Variants in CNTN6 observed in about 807,000 individuals in gnomAD.
The protein encoded by CNTN6 is contactin 6.
In CNTN6, 137 loss-of-function variants were observed where a neutral mutation model predicts 122.8. The observed-to-expected ratio is 1.12, with a 90% CI of 0.97 to 1.29. The LOEUF (loss-of-function observed/expected upper bound fraction) is 1.29. Among genes scored for constraint, CNTN6 ranks in the 50% most tolerant of loss-of-function variants. The pLI is 0.00. For missense variants in CNTN6, 1,634 were observed against 1,223.4 expected (o/e 1.34, Z -5.01); for synonymous variants, 570 against 426.0 (o/e 1.34, Z -4.16).
chr3:1,224,408 A>G (rs371020293), intron 3 of CNTN6, among the ~76,000 whole-genome samples: 4 of 152,122 alleles, frequency 2.6e-5, no homozygotes, highest in African/African-American at 9.7e-5. Flanking sequence ...AAGGAGCTGG[A>G]AGAGAAGATT....
chr3:1,326,201 C>T (rs1005888971), intron 9 of CNTN6, among the ~76,000 whole-genome samples: 6 of 151,942 alleles, frequency 3.9e-5, no homozygotes, highest in Non-Finnish European at 7.4e-5. Flanking sequence ...AATAGATTCA[C>T]ATTTAAATAT....
chr3:1,223,019 G>A (rs1216950643), intron 3 of CNTN6, among the ~76,000 whole-genome samples: 3 of 152,076 alleles, frequency 2.0e-5, no homozygotes, highest in Non-Finnish European at 1.5e-5. Context: ...TTCAGATAAC[G>A]TGCATTACCA....
At chr3:1,381,967 C>CA (rs1691961010) in intron 17 of CNTN6, among the ~76,000 whole-genome samples, 2 of 352 alleles carry the variant, frequency 5.7e-3, no homozygotes, top group Non-Finnish European at 0.013. Flanking sequence ...TTCCAAGTGG[C>CA]AAGTAGATAG....
At chr3:1,254,805 GT>G (rs1363858009) in intron 4 of CNTN6, among the ~76,000 whole-genome samples, 1 of 152,094 alleles carries the variant, frequency 6.6e-6, no homozygotes, top group East Asian at 1.9e-4. Flanking sequence ...ATCTGTTAGA[GT>G]TTTTTGTATC....
chr3:1,395,510 C>T (rs1238157781), intron 20 of CNTN6, among the ~76,000 whole-genome samples: 1 of 152,120 alleles, frequency 6.6e-6, no homozygotes, highest in Non-Finnish European at 1.5e-5. Flanking sequence ...AGGGTACCTT[C>T]ACATCTCTGC....
At chr3:1,226,440 A>C (rs921520475) in intron 3 of CNTN6, among the ~76,000 whole-genome samples, 1 of 152,148 alleles carries the variant, frequency 6.6e-6, no homozygotes, top group African/African-American at 2.4e-5. Context: ...CAGGAAGATC[A>C]TTCTCACCTT....
chr3:1,382,946 T>A lies in CNTN6; in HGVS notation c.2171T>A (p.Ile724Asn). 1.9e-6 allele frequency: 3 copies of A among 1,612,654 alleles called. No homozygotes were observed. In the South Asian group the frequency reaches 3.3e-5, roughly 18 times the overall value. Residue 724 changes from isoleucine to asparagine, a missense_variant, in exon 18 of 23, where the codon ATT becomes AAT. Transcript: ENST00000446702. ...ATTGATCACATTCTGCCCAAGTCAATTCCAGAAGAACTGCAGAATGGGGAG... is the reference window on the plus strand; with the variant it reads ...ATTGATCACATTCTGCCCAAGTCAAATCCAGAAGAACTGCAGAATGGGGAG... The part of the protein sequence containing the change: ...RSELVITWES[I>N]PEELQNGEGF...
At chr3:1,285,917 G>C (rs1694254488) in intron 5 of CNTN6, among the ~76,000 whole-genome samples, 1 of 152,202 alleles carries the variant, frequency 6.6e-6, no homozygotes, top group African/African-American at 2.4e-5. Context: ...TTAGTGTACA[G>C]TGTTAGAACC....
At chr3:1,370,678 G>A (rs1199426190) in intron 12 of CNTN6, among the ~76,000 whole-genome samples, 1 of 151,964 alleles carries the variant, frequency 6.6e-6, no homozygotes, top group Non-Finnish European at 1.5e-5. Flanking sequence ...GTGAAACTCT[G>A]TCTCTGCAAA....
chr3:1,141,723 A>G (rs1412645925), intron 1 of CNTN6, among the ~76,000 whole-genome samples: 1 of 152,182 alleles, frequency 6.6e-6, no homozygotes, highest in East Asian at 1.9e-4. Flanking sequence ...AGAAATTAAA[A>G]AGCACAATGT....
At chr3:1,138,482 C>G (rs544919307) in intron 1 of CNTN6, among the ~76,000 whole-genome samples, 32 of 152,032 alleles carry the variant, frequency 2.1e-4, no homozygotes, top group African/African-American at 5.5e-4. Flanking sequence ...TAAATACCAT[C>G]TTTATTTATT....
chr3:1,379,114 C>G (rs1710290660), intron 17 of CNTN6, among the ~76,000 whole-genome samples: 1 of 152,074 alleles, frequency 6.6e-6, no homozygotes, highest in Admixed American at 6.6e-5. Context: ...GTTGCAATTG[C>G]TTGTACACAG....
chr3:1,335,125 C>G (rs1422431039), intron 11 of CNTN6, among the ~76,000 whole-genome samples: 1 of 152,124 alleles, frequency 6.6e-6, no homozygotes, highest in Non-Finnish European at 1.5e-5. Flanking sequence ...TAACTTCTAG[C>G]AAGTCCTTTA....
At chr3:1,352,732 G>C (rs746486797) in intron 12 of CNTN6, among the ~76,000 whole-genome samples, 14 of 151,914 alleles carry the variant, frequency 9.2e-5, no homozygotes, top group Middle Eastern at 3.4e-3. Context: ...AAGCCTTAAT[G>C]TTAGGGGCCA....
intron 1 of CNTN6, among the ~76,000 whole-genome samples, chr3:1,140,367 G>A (rs191124512): frequency 6.6e-6 from 1 of 152,246 alleles, no homozygotes; most frequent in African/African-American, 2.4e-5. Context: ...AGTAGGGGGG[G>A]ACCCTCAATC....
intron 20 of CNTN6, among the ~76,000 whole-genome samples, 193 bp downstream of exon 20, chr3:1,385,990 G>A (rs746971591): frequency 6.6e-6 from 1 of 152,086 alleles, no homozygotes; most frequent in Non-Finnish European, 1.5e-5. Flanking sequence ...TCATATTTCT[G>A]GAATTCCAAA....
At chr3:1,114,314 C>A (rs1417939030) in intron 1 of CNTN6, among the ~76,000 whole-genome samples, 1 of 152,116 alleles carries the variant, frequency 6.6e-6, no homozygotes, top group South Asian at 2.1e-4. Context: ...CTTGAATGCA[C>A]GTTGTCATTA....
rs1326538838 is a variant in CNTN6 at position 1,382,881 on chromosome 3, T to G, written c.2167-61T>G. 4.6e-6 allele frequency: 5 copies of G among 1,078,984 alleles called. No individual in the cohort carries two copies. In the African/African-American group the frequency reaches 6.3e-5, roughly 14 times the overall value. 66.8% of individuals were successfully genotyped at this position (1,078,984 alleles called of 1,614,324 possible). On this transcript the variant is annotated intron_variant, in intron 17 of 22. Coordinates refer to ENST00000446702, the MANE Select transcript of CNTN6 (RefSeq NM_001289080.2). ...AGAAATGTGAAATAATCAATAAACA[T>G]TATAGTAGCTTAATAAAATATTTTT...
At chr3:1,393,844 A>G (rs896642005) in intron 20 of CNTN6, among the ~76,000 whole-genome samples, 6 of 152,180 alleles carry the variant, frequency 3.9e-5, no homozygotes, top group African/African-American at 1.4e-4. Context: ...ATACCTATAC[A>G]TGTTTTAAAA....
Sources: allele counts gnomAD v4.1 joint callset (sites outside exome capture counted in the v4.1 genomes callset), GRCh38; gene constraint gnomAD v4.1.1; transcripts MANE v1.5; gene names NCBI Gene and HGNC (gene_info 2026-07-23, HGNC 2026-07-21).